Variants in GABBR2 observed in about 807,000 individuals in gnomAD.
GABBR2 encodes G-protein coupled receptor 51.
GABBR2 carries 23 observed loss-of-function variants against 105.6 expected under a neutral mutation model. The ratio of observed to expected loss-of-function variants is 0.22; its 90% CI spans 0.16 to 0.31. The LOEUF (loss-of-function observed/expected upper bound fraction) is 0.31. Among genes scored for constraint, GABBR2 ranks in the 10% least tolerant of loss-of-function variants. The pLI is 1.00. For missense variants in GABBR2, 734 were observed against 1,245.5 expected (o/e 0.59, Z 6.18); for synonymous variants, 478 against 499.7 (o/e 0.96, Z 0.58).
intron 2 of GABBR2, among the ~76,000 whole-genome samples, chr9:98,554,421 A>G (rs763836675): frequency 3.3e-5 from 5 of 152,148 alleles, no homozygotes; most frequent in Admixed American, 6.5e-5. Context: ...AAAAAACAAT[A>G]ATACTTCATC....
At chr9:98,582,561 T>C (rs1829016886) in intron 1 of GABBR2, among the ~76,000 whole-genome samples, 1 of 152,154 alleles carries the variant, frequency 6.6e-6, no homozygotes, top group African/African-American at 2.4e-5. Flanking sequence ...CATCACCAAA[T>C]TTGTGGTGAT....
At chr9:98,400,447 A>C (rs937612715) in intron 8 of GABBR2, among the ~76,000 whole-genome samples, 4 of 152,198 alleles carry the variant, frequency 2.6e-5, no homozygotes, top group African/African-American at 7.2e-5. Context: ...GGGCAAGGCC[A>C]TTCTGCAGAG....
intron 2 of GABBR2, among the ~76,000 whole-genome samples, chr9:98,553,995 C>A (rs1042530970): frequency 1.1e-4 from 16 of 152,136 alleles, no homozygotes; most frequent in Non-Finnish European, 1.5e-4. Flanking sequence ...TTTATTATTA[C>A]CCTCATTTTT....
intron 4 of GABBR2, among the ~76,000 whole-genome samples, chr9:98,489,156 G>A (rs529410652): frequency 1.3e-5 from 2 of 152,310 alleles, no homozygotes; most frequent in South Asian, 2.1e-4. Context: ...AGAGTAGGCC[G>A]GATTTGGCCC....
chr9:98,416,773 G>A (rs1832696789), intron 7 of GABBR2, among the ~76,000 whole-genome samples: 1 of 152,190 alleles, frequency 6.6e-6, no homozygotes, highest in African/African-American at 2.4e-5. Flanking sequence ...GTTTCTTTCT[G>A]CAGCTGGTAT....
intron 13 of GABBR2, among the ~76,000 whole-genome samples, chr9:98,331,827 T>C (rs1420186604): frequency 6.6e-6 from 1 of 152,124 alleles, no homozygotes; most frequent in East Asian, 1.9e-4. Context: ...ATGCATACAT[T>C]TTAACCACAC....
chr9:98,301,828 C>A (rs1830474363), intron 16 of GABBR2, among the ~76,000 whole-genome samples: 1 of 152,044 alleles, frequency 6.6e-6, no homozygotes, highest in African/African-American at 2.4e-5. Flanking sequence ...GGGACAGAAA[C>A]CCTTCTTAGT....
intron 1 of GABBR2, among the ~76,000 whole-genome samples, chr9:98,646,984 G>A (rs1830034668): frequency 6.6e-6 from 1 of 152,156 alleles, no homozygotes. Context: ...CCTATCCAGG[G>A]GTCCCCCATG....
chr9:98,598,897 T>C (rs938657790), intron 1 of GABBR2, among the ~76,000 whole-genome samples: 3 of 143,030 alleles, frequency 2.1e-5, no homozygotes, highest in Admixed American at 7.0e-5. Flanking sequence ...ATGTCCTCTA[T>C]ATGGTTTTCA....
At chr9:98,408,589 G>C (rs1438459623) in intron 7 of GABBR2, among the ~76,000 whole-genome samples, 1 of 152,146 alleles carries the variant, frequency 6.6e-6, no homozygotes, top group African/African-American at 2.4e-5. Flanking sequence ...CTTATTAAAA[G>C]GTGGTCAATT....
At chr9:98,585,561 C>T (rs1319402740) in intron 1 of GABBR2, among the ~76,000 whole-genome samples, 1 of 151,370 alleles carries the variant, frequency 6.6e-6, no homozygotes, top group Non-Finnish European at 1.5e-5. Flanking sequence ...TTAATGGGTG[C>T]AGCACACCAA....
chr9:98,675,409 G>C (rs1830462616), intron 1 of GABBR2, among the ~76,000 whole-genome samples: 1 of 152,136 alleles, frequency 6.6e-6, no homozygotes. Flanking sequence ...GGCTAGGAGT[G>C]AACACCATGA....
intron 7 of GABBR2, among the ~76,000 whole-genome samples, chr9:98,446,837 G>T (rs188289772): frequency 1.5e-4 from 23 of 152,198 alleles, no homozygotes; most frequent in African/African-American, 5.5e-4. Context: ...ACCACATTTG[G>T]ACTATTTCAG....
intron 6 of GABBR2, among the ~76,000 whole-genome samples, chr9:98,465,419 A>T (rs1826528224): frequency 6.6e-6 from 1 of 152,234 alleles, no homozygotes; most frequent in Non-Finnish European, 1.5e-5. Flanking sequence ...TAAATGTGAA[A>T]GGTAAAACAA....
chr9:98,394,135 C>T, intron 9 of GABBR2, 40 bp downstream of exon 9: 3 of 1,430,070 alleles, frequency 2.1e-6, no homozygotes, highest in Non-Finnish European at 3.0e-6. Flanking sequence ...TTGGGAGCAA[C>T]TGGGCAGGCC....
chr9:98,452,619 T>C (rs144462638), intron 7 of GABBR2, among the ~76,000 whole-genome samples: 1 of 152,350 alleles, frequency 6.6e-6, no homozygotes, highest in African/African-American at 2.4e-5. Flanking sequence ...TGCCTAGCAC[T>C]AGGCATACAT....
chr9:98,441,562 T>G (rs1826031575), intron 7 of GABBR2, among the ~76,000 whole-genome samples: 1 of 152,154 alleles, frequency 6.6e-6, no homozygotes, highest in Admixed American at 6.5e-5. Flanking sequence ...GAGACAGGGT[T>G]TCACCTGTTG....
intron 13 of GABBR2, among the ~76,000 whole-genome samples, chr9:98,339,366 G>C (rs1290103624): frequency 6.6e-6 from 1 of 151,736 alleles, no homozygotes; most frequent in Admixed American, 6.6e-5. Flanking sequence ...CTTGGAAGGA[G>C]CAATGAGCTG....
chr9:98,631,599 G>A (rs1222746127), intron 1 of GABBR2, among the ~76,000 whole-genome samples: 1 of 152,150 alleles, frequency 6.6e-6, no homozygotes, highest in Non-Finnish European at 1.5e-5. Context: ...ATTCATACTT[G>A]AATTTAATAG....
Sources: gnomAD v4.1 joint callset for allele counts (sites outside exome capture counted in the v4.1 genomes callset) on GRCh38, gnomAD v4.1.1 for gene constraint, MANE v1.5 for transcripts, NCBI Gene and HGNC (gene_info 2026-07-23, HGNC 2026-07-21) for gene names.